MMS22L: variants seen among roughly 807,000 people sequenced by gnomAD.
The protein encoded by MMS22L is MMS22 like, DNA repair protein.
Under a neutral mutation model 159.1 loss-of-function variants are expected in MMS22L, and 74 were observed. That is an observed-to-expected ratio of 0.47 (90% CI 0.39 to 0.56). The LOEUF (loss-of-function observed/expected upper bound fraction) is 0.56. MMS22L is among the 20% of genes least tolerant of loss of function. The probability of loss-of-function intolerance (pLI) is 0.00; values close to 1 mark genes in which losing one functional copy is unlikely to be tolerated. For synonymous variants in MMS22L, 517 were observed against 506.9 expected (o/e 1.02, Z -0.27); for missense variants, 1,351 against 1,422.1 (o/e 0.95, Z 0.80).
At chr6:97,265,707 G>A (rs898875117) in intron 8 of MMS22L, 3 of 150,974 alleles carry the variant, frequency 2.0e-5, no homozygotes, top group Non-Finnish European at 4.4e-5. Flanking sequence ...ATAAACAGAC[G>A]TTTTCTTTTT....
chr6:97,263,451 A>G lies in MMS22L; in HGVS notation c.829-3T>C. 2.0e-6 allele frequency: 3 copies of G among 1,485,478 alleles called. No homozygotes were observed. The highest frequency in any genetic ancestry group is 2.7e-6 in the Non-Finnish European group (3 of 1,110,632). 92.0% of individuals were successfully genotyped at this position (1,485,478 alleles called of 1,614,324 possible). On this transcript the variant is annotated splice_polypyrimidine_tract_variant and splice_region_variant and intron_variant, in intron 8 of 24. Coordinates refer to ENST00000683635, the MANE Select transcript of MMS22L (RefSeq NM_001350599.2). ...ATTAATGATTCAGAAGACCTAACCT[A>G]TAGAAAATAACCAAAATGTGTTATT...
chr6:97,201,253 G>A (rs1339625838), intron 14 of MMS22L, among the ~76,000 whole-genome samples: 1 of 152,030 alleles, frequency 6.6e-6, no homozygotes, highest in Non-Finnish European at 1.5e-5. Flanking sequence ...ATATTCTTTT[G>A]AGAAAAATCA....
intron 16 of MMS22L, 139 bp from the exon 17 acceptor site, chr6:97,179,698 C>A (rs1459357473): frequency 5.0e-6 from 3 of 602,890 alleles, no homozygotes; most frequent in Non-Finnish European, 7.8e-6. Flanking sequence ...CTAACGTAGG[C>A]ATGCATTGTT....
At chr6:97,209,944 C>T (rs1370845157) in intron 14 of MMS22L, among the ~76,000 whole-genome samples, 2 of 151,842 alleles carry the variant, frequency 1.3e-5, no homozygotes, top group Admixed American at 1.3e-4. Flanking sequence ...GTGTAAATCA[C>T]ATTTCCATTT....
intron 11 of MMS22L, among the ~76,000 whole-genome samples, chr6:97,245,339 A>C (rs1025783461): frequency 1.3e-5 from 2 of 152,076 alleles, no homozygotes; most frequent in Non-Finnish European, 2.9e-5. Flanking sequence ...CTAGTTACTG[A>C]CTCAGATTCA....
chr6:97,211,321 G>C (rs1224875851), intron 14 of MMS22L, among the ~76,000 whole-genome samples: 3 of 151,952 alleles, frequency 2.0e-5, no homozygotes, highest in Non-Finnish European at 4.4e-5. Flanking sequence ...ATGTATAGAA[G>C]ATTGATGTAT....
chr6:97,229,329 A>G lies in MMS22L; in HGVS notation c.1604T>C (p.Phe535Ser). ...CTCTGCAACAGCTGCTAACAGTAGA[A>G]AAAGGCTAAAAAAGTTCTGTAGACC... is the stretch of plus-strand genomic sequence containing the variant. ...EVGLQNFFSLFLLLAAVAEVE... is the reference protein window; with the variant it reads ...EVGLQNFFSLSLLLAAVAEVE... The change falls in exon 14 of 25, where the codon TTT (phenylalanine) becomes TCT (serine). Residue 535 changes from phenylalanine (F) to serine (S), a missense_variant. Phe to Ser is a radical substitution (Grantham distance 155). Transcript: ENST00000683635. The G allele has an allele frequency of 6.2e-7, 1 of 1,613,010 alleles. No individual in the cohort carries two copies.
chr6:97,166,268 A>C (rs1802949293), intron 20 of MMS22L, among the ~76,000 whole-genome samples: 1 of 152,290 alleles, frequency 6.6e-6, no homozygotes, highest in South Asian at 2.1e-4. Flanking sequence ...TAAATATTAA[A>C]TGCTACTAAA....
intron 14 of MMS22L, among the ~76,000 whole-genome samples, chr6:97,197,712 G>A (rs1327684774): frequency 6.6e-6 from 1 of 152,064 alleles, no homozygotes; most frequent in African/African-American, 2.4e-5. Context: ...CAGGCCGGGG[G>A]GCAGTTAGGA....
upstream of MMS22L, among the ~76,000 whole-genome samples, chr6:97,283,987 A>G (rs1368103746): frequency 1.3e-5 from 2 of 152,224 alleles, no homozygotes; most frequent in African/African-American, 2.4e-5. Context: ...AATACGTTGA[A>G]TTAAATTAAA....
chr6:97,205,133 C>T (rs983737890), intron 14 of MMS22L, among the ~76,000 whole-genome samples: 55 of 151,412 alleles, frequency 3.6e-4, no homozygotes, highest in Middle Eastern at 3.2e-3. Flanking sequence ...TTAGTAGAGA[C>T]GGGTTTTCAC....
At chr6:97,255,230 A>G (rs1813673225) in intron 9 of MMS22L, among the ~76,000 whole-genome samples, 1 of 152,114 alleles carries the variant, frequency 6.6e-6, no homozygotes, top group African/African-American at 2.4e-5. Flanking sequence ...TCAATCTACT[A>G]TTGCAGAACA....
intron 13 of MMS22L, 35 bp from the exon 14 acceptor site, chr6:97,229,438 TTTCA>T: frequency 7.1e-7 from 1 of 1,410,878 alleles, no homozygotes; most frequent in South Asian, 1.5e-5. Flanking sequence ...AATAAAATTG[TTTCA>T]TTCACAAAAA....
At position 97,186,582 on chromosome 6, in the gene MMS22L, T is replaced by C; in HGVS notation, c.2148A>G (p.Ala716=). The C allele has an allele frequency of 6.2e-7, 1 of 1,613,064 alleles. No individual in the cohort carries two copies. Among genetic ancestry groups the C allele is most frequent in the Non-Finnish European group, 8.5e-7 (1 of 1,179,528 alleles). The change falls in exon 15 of 25, where the codon GCA becomes GCG. Residue 716 remains alanine, a synonymous_variant. Transcript: ENST00000683635. ...KERHLAAVAS[A]LWRHFFSFLK... Reference sequence around the variant, plus strand: ...AAAATGAAAAGAAATGTCTCCACAGTGCACTGGCAACTGCAGCAAGGTGGC... The same window carrying C: ...AAAATGAAAAGAAATGTCTCCACAGCGCACTGGCAACTGCAGCAAGGTGGC...
intron 9 of MMS22L, among the ~76,000 whole-genome samples, chr6:97,255,872 T>C (rs1813745807): frequency 6.6e-6 from 1 of 152,170 alleles, no homozygotes; most frequent in South Asian, 2.1e-4. Context: ...CTTTCATCAC[T>C]ATAAAACAAC....
rs1812662979 is a variant in MMS22L at position 97,246,557 on chromosome 6, G to C, written c.1182+71C>G. The C allele has an allele frequency of 2.4e-6, 3 of 1,230,006 alleles. No homozygotes were observed. The Admixed American group carries it at 6.2e-5, about 25-fold the overall frequency. The allele number at this position is 1,230,006 out of a possible 1,614,324, so 76.2% of individuals were successfully genotyped here. On this transcript the variant is annotated intron_variant, in intron 11 of 24. Coordinates refer to ENST00000683635, the MANE Select transcript of MMS22L (RefSeq NM_001350599.2). ...TCTGAATCATTTTAACAGCTTGCTT[G>C]GTTTTAAAAATAAAATTTGTAACAT...
At chr6:97,231,736 G>T in intron 12 of MMS22L, 84 bp from the exon 13 acceptor site, 1 of 959,898 alleles carries the variant, frequency 1.0e-6, no homozygotes, top group Non-Finnish European at 1.6e-6. Flanking sequence ...CAGTTAGTTG[G>T]TTCATCAAAA....
At chr6:97,248,797 T>G (rs1812933708) in intron 10 of MMS22L, among the ~76,000 whole-genome samples, 1 of 151,592 alleles carries the variant, frequency 6.6e-6, no homozygotes, top group Non-Finnish European at 1.5e-5. Flanking sequence ...AGGCAGAGGT[T>G]GCAGTGAGCA....
chr6:97,181,786 C>A, intron 16 of MMS22L, 118 bp downstream of exon 16: 4 of 1,019,798 alleles, frequency 3.9e-6, no homozygotes, highest in Non-Finnish European at 5.3e-6. Flanking sequence ...AAAAACCTGA[C>A]AAAGTGAGAG....
Sources: gnomAD v4.1 joint callset for allele counts (sites outside exome capture counted in the v4.1 genomes callset) on GRCh38, gnomAD v4.1.1 for gene constraint, MANE v1.5 for transcripts, NCBI Gene and HGNC (gene_info 2026-07-23, HGNC 2026-07-21) for gene names.